TUSC3: variants seen among roughly 807,000 people sequenced by gnomAD.
TUSC3 encodes dolichyl-diphosphooligosaccharide--protein glycosyltransferase subunit TUSC3.
In TUSC3, 45 loss-of-function variants were observed where a neutral mutation model predicts 44.8. The observed-to-expected ratio is 1.00, with a 90% confidence interval of 0.79 to 1.29. TUSC3 has a LOEUF of 1.29. Among genes scored for constraint, TUSC3 ranks in the 50% most tolerant of loss-of-function variants. The pLI is 0.00. For missense variants in TUSC3, 519 were observed against 437.9 expected, an observed-to-expected ratio of 1.19 and a Z score of -1.65; for synonymous variants, 212 against 152.9, an observed-to-expected ratio of 1.39 and a Z score of -2.85.
At chr8:15,532,536 G>A (rs1016881385) in intron 2 of TUSC3, among the ~76,000 whole-genome samples, 7 of 152,172 alleles carry the variant, frequency 4.6e-5, no homozygotes, top group African/African-American at 1.7e-4. Context: ...AAAAAGGGCA[G>A]GTACTGGGGA....
At chr8:15,844,309 T>C in the TUSC3 span, among the ~76,000 whole-genome samples, 2 of 152,172 alleles carry the variant, frequency 1.3e-5, no homozygotes, top group African/African-American at 4.8e-5. Flanking sequence ...ATCCAGCATT[T>C]AGTATGCGTT....
At chr8:15,585,797 T>C (rs1803575583) in intron 1 of TUSC3, among the ~76,000 whole-genome samples, 1 of 152,190 alleles carries the variant, frequency 6.6e-6, no homozygotes, top group African/African-American at 2.4e-5. Flanking sequence ...CAGACTGTTC[T>C]TTTGTTTGAA....
intron 1 of TUSC3, among the ~76,000 whole-genome samples, chr8:15,586,840 T>C (rs962665538): frequency 2.6e-5 from 4 of 152,174 alleles, no homozygotes; most frequent in African/African-American, 7.2e-5. Context: ...TTGTAGTTCT[T>C]AGACCACCAC....
upstream of TUSC3, chr8:15,540,225 C>T (rs886062763): frequency 1.3e-4 from 93 of 701,212 alleles, no homozygotes; most frequent in Non-Finnish European, 3.7e-5. Flanking sequence ...CATCCCGCGC[C>T]TTTCCAGGTC....
chr8:15,809,324 C>T, the TUSC3 span, among the ~76,000 whole-genome samples: 1 of 152,172 alleles, frequency 6.6e-6, no homozygotes, highest in Non-Finnish European at 1.5e-5. Context: ...AGAGTTCTTT[C>T]TGAAAAACTA....
intron 1 of TUSC3, among the ~76,000 whole-genome samples, chr8:15,443,784 G>T (rs1800054312): frequency 6.6e-6 from 1 of 152,122 alleles, no homozygotes; most frequent in African/African-American, 2.4e-5. Context: ...TCCCTAAGCT[G>T]CTCCAGGATT....
chr8:15,670,200 G>A (rs1488905523), intron 5 of TUSC3, among the ~76,000 whole-genome samples: 1 of 151,852 alleles, frequency 6.6e-6, no homozygotes, highest in African/African-American at 2.4e-5. Flanking sequence ...AATTTGTGCA[G>A]ATTTTTTTCT....
chr8:15,467,441 T>C (rs1800428556), intron 1 of TUSC3, among the ~76,000 whole-genome samples: 1 of 152,176 alleles, frequency 6.6e-6, no homozygotes, highest in Non-Finnish European at 1.5e-5. Flanking sequence ...AAATTATACA[T>C]ACTGCCTTAG....
chr8:15,600,251 G>T (rs1365354882), intron 1 of TUSC3, among the ~76,000 whole-genome samples: 2 of 151,720 alleles, frequency 1.3e-5, no homozygotes, highest in Non-Finnish European at 3.0e-5. Flanking sequence ...ACAGTAGGGA[G>T]AATTATGGCC....
intron 6 of TUSC3, among the ~76,000 whole-genome samples, chr8:15,713,118 A>G (rs1809923461): frequency 6.6e-6 from 1 of 152,164 alleles, no homozygotes; most frequent in Non-Finnish European, 1.5e-5. Flanking sequence ...CGTTTTTGTA[A>G]AAGTCGTAAA....
chr8:15,427,919 T>A (rs1307885647), intron 1 of TUSC3, among the ~76,000 whole-genome samples: 6 of 152,178 alleles, frequency 3.9e-5, no homozygotes, highest in Non-Finnish European at 2.9e-5. Context: ...TGTGAGTTGA[T>A]TTTTGCATAC....
chr8:15,619,390 G>A lies in TUSC3; in HGVS notation c.139-3690G>A, dbSNP rs1317255055. On this transcript the variant is annotated intron_variant, in intron 1 of 10. Transcript: ENST00000503731. ...CTTTTCTCATTTATAATTGCTCTCT[G>A]CTCTTCCTCGTTTACCCTATAAGCA... is the stretch of plus-strand genomic sequence containing the variant. Among the ~76,000 whole-genome samples the A allele has an allele frequency of 2.0e-5, 3 of 152,040 alleles. No individual in the cohort carries two copies. In the East Asian group the frequency reaches 5.8e-4, roughly 29 times the overall value.
the TUSC3 span, among the ~76,000 whole-genome samples, chr8:15,805,229 C>T: frequency 2.4e-3 from 358 of 152,074 alleles, 3 homozygotes; most frequent in African/African-American, 8.1e-3. Flanking sequence ...AGGAGTCTTT[C>T]GGTGGAGTCT....
chr8:15,721,520 A>C (rs1398672331), intron 6 of TUSC3, among the ~76,000 whole-genome samples: 1 of 152,094 alleles, frequency 6.6e-6, no homozygotes, highest in Non-Finnish European at 1.5e-5. Flanking sequence ...GACAGCTACA[A>C]AAGTAATTAC....
intron 7 of TUSC3, among the ~76,000 whole-genome samples, chr8:15,739,411 A>T (rs1319345932): frequency 6.6e-6 from 1 of 152,128 alleles, no homozygotes; most frequent in African/African-American, 2.4e-5. Context: ...TGACATGCTG[A>T]AATCTTAAAA....
the TUSC3 span, among the ~76,000 whole-genome samples, chr8:15,788,367 G>T: frequency 6.6e-6 from 1 of 151,696 alleles, no homozygotes; most frequent in East Asian, 1.9e-4. Context: ...GCCAACATGG[G>T]GAAACCCCCT....
chr8:15,525,488 C>T (rs1308972394), intron 2 of TUSC3, among the ~76,000 whole-genome samples: 1 of 152,176 alleles, frequency 6.6e-6, no homozygotes, highest in Non-Finnish European at 1.5e-5. Flanking sequence ...TCAATGTTCT[C>T]AGTTTTAATG....
intron 2 of TUSC3, among the ~76,000 whole-genome samples, chr8:15,526,497 T>C (rs990956967): frequency 2.6e-5 from 4 of 152,128 alleles, no homozygotes; most frequent in African/African-American, 4.8e-5. Context: ...TGGGAGATAA[T>C]TGAATGGTGG....
rs1554517172 is a variant in TUSC3 at position 15,576,284 on chromosome 8, T to TTTTTTA, written c.138+35721_138+35722insATTTTT. ...TTTTTTTTCTTGGTCCTCTTGTTTT[T>TTTTTTA]TTTTTTTATTTTTTTATTTTTTTAT... On this transcript the variant is annotated intron_variant, in intron 1 of 10. Transcript: ENST00000503731. Among the ~76,000 whole-genome samples the TTTTTTA allele has an allele frequency of 4.2e-4, 60 of 141,754 alleles. No individual in the cohort carries two copies. The South Asian group carries it at 5.4e-3, about 13-fold the overall frequency. The allele number at this position is 141,754 out of a possible 152,430, so 93.0% of individuals were successfully genotyped here. A position where few individuals can be genotyped will look rare whatever the true frequency, so the allele number is the denominator to read the frequency against.
Sources: allele counts gnomAD v4.1 joint callset (sites outside exome capture counted in the v4.1 genomes callset), GRCh38; gene constraint gnomAD v4.1.1; transcripts MANE v1.5; gene names NCBI Gene and HGNC (gene_info 2026-07-23, HGNC 2026-07-21).